EYS: variants seen among roughly 807,000 people sequenced by gnomAD.
EYS encodes protein eyes shut homolog.
In EYS, 250 loss-of-function variants were observed where a neutral mutation model predicts 282.1. That is an observed-to-expected ratio of 0.89 (90% CI 0.80 to 0.98). EYS has a LOEUF of 0.98. Among genes scored for constraint, EYS ranks in the 50% least tolerant of loss-of-function variants. The pLI is 0.00. For missense variants in EYS, 4,016 were observed against 3,709.0 expected (o/e 1.08, Z -2.15); for synonymous variants, 1,355 against 1,282.9 (o/e 1.06, Z -1.20).
In EYS at chr6:65,573,872, T is replaced by C. The variant is rs75025130; in HGVS notation, c.-333+65906A>G. Among the ~76,000 whole-genome samples, 715 of 152,288 alleles carry C rather than the reference T, an allele frequency of 4.7e-3. 6 individuals are homozygous for C. The highest frequency in any genetic ancestry group is 8.5e-3 in the South Asian group (41 of 4,828). ...TATACTGTTTCATGATCACCTTGCATACTGTTACTAATGTGGCAGTGTAAG... is the reference window on the plus strand; with the variant it reads ...TATACTGTTTCATGATCACCTTGCACACTGTTACTAATGTGGCAGTGTAAG... On this transcript the variant is annotated intron_variant, in intron 2 of 42. Transcript: ENST00000503581.
chr6:64,898,637 C>G (rs904818805), intron 18 of EYS, among the ~76,000 whole-genome samples: 1 of 151,072 alleles, frequency 6.6e-6, no homozygotes, highest in African/African-American at 2.4e-5. Flanking sequence ...CTAAATGCCC[C>G]AGTTAAAAGG....
chr6:63,889,520 T>C (rs1433491684), intron 35 of EYS, among the ~76,000 whole-genome samples: 1 of 152,200 alleles, frequency 6.6e-6, no homozygotes, highest in Non-Finnish European at 1.5e-5. Flanking sequence ...CCAGCCAAAC[T>C]ATGCTTCATA....
At chr6:65,372,812 A>C (rs965461670) in intron 8 of EYS, among the ~76,000 whole-genome samples, 1 of 152,050 alleles carries the variant, frequency 6.6e-6, no homozygotes, top group Non-Finnish European at 1.5e-5. Context: ...TTTAACTCAT[A>C]ATGAAGAGCA....
At chr6:63,840,050 T>A (rs1005442767) in intron 36 of EYS, among the ~76,000 whole-genome samples, 2 of 112,636 alleles carry the variant, frequency 1.8e-5, no homozygotes, top group African/African-American at 4.0e-5. Context: ...GCCCATTTCT[T>A]TTTTTTTTTT....
chr6:63,850,576 A>C (rs1009329538), intron 36 of EYS, among the ~76,000 whole-genome samples: 3 of 152,202 alleles, frequency 2.0e-5, no homozygotes, highest in Non-Finnish European at 4.4e-5. Context: ...AGTCAAACTA[A>C]GCTTCATAAG....
chr6:64,725,714 A>T (rs1439602992), intron 22 of EYS, among the ~76,000 whole-genome samples: 1 of 151,948 alleles, frequency 6.6e-6, no homozygotes, highest in East Asian at 1.9e-4. Context: ...AGGAAGCAGG[A>T]GTCATCATTG....
intron 36 of EYS, among the ~76,000 whole-genome samples, chr6:63,859,075 GTT>G (rs745344580): frequency 1.0e-4 from 5 of 47,914 alleles, no homozygotes; most frequent in African/African-American, 5.6e-4. Flanking sequence ...GTCCTAGAGA[GTT>G]TTTTTTTTTT....
chr6:63,971,780 G>A (rs1038873271), intron 35 of EYS, among the ~76,000 whole-genome samples: 1 of 152,172 alleles, frequency 6.6e-6, no homozygotes, highest in Non-Finnish European at 1.5e-5. Context: ...CTGAACTCAA[G>A]TATTTTAGGC....
At chr6:65,360,623 C>T (rs570262808) in intron 8 of EYS, among the ~76,000 whole-genome samples, 72 of 152,128 alleles carry the variant, frequency 4.7e-4, no homozygotes, top group African/African-American at 1.7e-3. Flanking sequence ...CTGACAACTC[C>T]GTGACCATAC....
intron 22 of EYS, among the ~76,000 whole-genome samples, chr6:64,729,648 T>A (rs945357380): frequency 4.6e-5 from 7 of 152,176 alleles, no homozygotes; most frequent in Non-Finnish European, 1.0e-4. Context: ...AGCAGGTTGG[T>A]AAGTAGTTTG....
Position 65,143,087 on chromosome 6 carries a change from C to T in EYS, c.2024-85360G>A, listed in dbSNP as rs574213482. Among the ~76,000 whole-genome samples, 4 of 151,998 alleles carry T rather than the reference C, an allele frequency of 2.6e-5. No homozygotes were observed. The East Asian group carries it at 5.8e-4, about 22-fold the overall frequency. On this transcript the variant is annotated intron_variant, in intron 12 of 42. Transcript: ENST00000503581. ...TATGAAAAAGACTCATATATAAATG[C>T]TCATGATAAACTTGCTAATAACAGA...
At chr6:64,110,213 T>C (rs1044610221) in intron 31 of EYS, among the ~76,000 whole-genome samples, 1 of 151,658 alleles carries the variant, frequency 6.6e-6, no homozygotes, top group Non-Finnish European at 1.5e-5. Flanking sequence ...TTAAAGGCTT[T>C]CTTACTCCCT....
chr6:65,620,253 A>G (rs886810268), intron 2 of EYS, among the ~76,000 whole-genome samples: 17 of 152,134 alleles, frequency 1.1e-4, no homozygotes, highest in Non-Finnish European at 1.8e-4. Flanking sequence ...GTCTATTCAG[A>G]GATTCAGCTT....
intron 35 of EYS, among the ~76,000 whole-genome samples, chr6:63,919,311 A>ATTT (rs1334286064): frequency 1.3e-5 from 1 of 78,138 alleles, no homozygotes; most frequent in African/African-American, 5.4e-5. Context: ...AAGGGAACAG[A>ATTT]CTTTTTTTTT....
intron 1 of EYS, among the ~76,000 whole-genome samples, chr6:65,686,572 T>A (rs547685943): frequency 6.6e-6 from 1 of 151,966 alleles, no homozygotes. Context: ...TGCTCACACA[T>A]AAATGGGGAG....
chr6:65,401,391 T>A (rs1766488067), intron 7 of EYS, among the ~76,000 whole-genome samples: 1 of 151,196 alleles, frequency 6.6e-6, no homozygotes. Context: ...GGAGGAGATG[T>A]ATTTGTTTTT....
intron 2 of EYS, among the ~76,000 whole-genome samples, chr6:65,521,495 A>G (rs1286067698): frequency 6.6e-6 from 1 of 152,172 alleles, no homozygotes; most frequent in Non-Finnish European, 1.5e-5. Flanking sequence ...ATGAAATAGT[A>G]TATGCGTGAA....
At chr6:64,180,715 G>A (rs1376811396) in intron 31 of EYS, among the ~76,000 whole-genome samples, 1 of 152,098 alleles carries the variant, frequency 6.6e-6, no homozygotes, top group Non-Finnish European at 1.5e-5. Context: ...AGTATTTACT[G>A]CAAATGTAAC....
At chr6:64,588,413 C>T (rs1255553472) in intron 26 of EYS, among the ~76,000 whole-genome samples, 1 of 152,080 alleles carries the variant, frequency 6.6e-6, no homozygotes, top group East Asian at 1.9e-4. Flanking sequence ...TAGCCTCCAG[C>T]TACTGAACAG....
Sources: gnomAD v4.1 joint callset for allele counts (sites outside exome capture counted in the v4.1 genomes callset) on GRCh38, gnomAD v4.1.1 for gene constraint, MANE v1.5 for transcripts, NCBI Gene and HGNC (gene_info 2026-07-23, HGNC 2026-07-21) for gene names.